The following SLBP variants were observed in gnomAD, a reference collection of about 807,000 sequenced individuals.
SLBP encodes the protein stem-loop histone mRNA binding protein, also known as histone RNA hairpin-binding protein.
A neutral mutation model predicts 39.2 loss-of-function variants in SLBP; 29 were observed. The observed-to-expected ratio is 0.74, with a 90% CI of 0.55 to 1.01. The LOEUF (loss-of-function observed/expected upper bound fraction) is 1.01, where lower values mean the gene tolerates loss of function less well. Ranked by LOEUF, SLBP falls within the 50% of genes least tolerant of loss-of-function variation. The probability of loss-of-function intolerance (pLI) is 0.00; values close to 1 mark genes in which losing one functional copy is unlikely to be tolerated. For missense variants in SLBP, 390 were observed against 350.2 expected, an observed-to-expected ratio of 1.11 and a Z score of -0.91; for synonymous variants, 129 against 118.7, an observed-to-expected ratio of 1.09 and a Z score of -0.57.
At chr4:1,699,778 C>G (rs1716256574) in intron 4 of SLBP, 77 bp from the exon 5 acceptor site, 2 of 1,367,960 alleles carry the variant, frequency 1.5e-6, no homozygotes, top group South Asian at 2.4e-5. Context: ...AAGAAAATGT[C>G]AAAACACAAT....
At chr4:1,711,092 T>C (rs2108667295) in intron 2 of SLBP, among the ~76,000 whole-genome samples, 1 of 151,134 alleles carries the variant, frequency 6.6e-6, no homozygotes, top group Admixed American at 6.6e-5. Context: ...CAAAGGTAGT[T>C]TCTTGCATGA....
chr4:1,699,995 T>A lies in SLBP; in HGVS notation c.341+16A>T. The A allele has an allele frequency of 6.4e-7, 1 of 1,550,580 alleles. No homozygotes were observed. The highest frequency in any genetic ancestry group is 8.7e-7 in the Non-Finnish European group (1 of 1,143,998). ...GGTCTATCAAATTAGAAAAGAAACA[T>A]TTACACAGCCTTTACCTTCCTGATG... On this transcript the variant is annotated intron_variant, in intron 4 of 7. Coordinates refer to ENST00000489418, the MANE Select transcript of SLBP (RefSeq NM_006527.4).
At chr4:1,709,612 T>A (rs1439267177) in intron 2 of SLBP, among the ~76,000 whole-genome samples, 4 of 143,456 alleles carry the variant, frequency 2.8e-5, no homozygotes, top group South Asian at 2.2e-4. Flanking sequence ...AACATCTACT[T>A]CTTTTTTTTT....
chr4:1,707,418 A>C (rs890100064), intron 2 of SLBP, among the ~76,000 whole-genome samples: 1 of 151,368 alleles, frequency 6.6e-6, no homozygotes, highest in Non-Finnish European at 1.5e-5. Context: ...AGGCAGGAGA[A>C]TCACTTGAAC....
intron 2 of SLBP, among the ~76,000 whole-genome samples, chr4:1,711,051 T>A (rs1278655652): frequency 8.2e-6 from 1 of 121,512 alleles, no homozygotes; most frequent in Non-Finnish European, 1.7e-5. Context: ...ACCCTGTCTT[T>A]AAAAAAAAAA....
At chr4:1,709,089 G>T (rs1275697196) in intron 2 of SLBP, among the ~76,000 whole-genome samples, 26 of 148,802 alleles carry the variant, frequency 1.7e-4, no homozygotes, top group Admixed American at 2.7e-4. Context: ...TTTTGAGACA[G>T]TTTCACTCTT....
intron 3 of SLBP, among the ~76,000 whole-genome samples, chr4:1,701,214 C>T (rs1239564834): frequency 1.4e-5 from 2 of 143,154 alleles, no homozygotes; most frequent in Non-Finnish European, 1.5e-5. Flanking sequence ...GGCGAGATCT[C>T]GGCTCAGTGC....
intron 2 of SLBP, among the ~76,000 whole-genome samples, chr4:1,707,382 T>A (rs1188684468): frequency 6.7e-6 from 1 of 149,946 alleles, no homozygotes; most frequent in Non-Finnish European, 1.5e-5. Flanking sequence ...GGTGGGTGCC[T>A]ATAATCCCAG....
chr4:1,709,717 T>C (rs1369282820), intron 2 of SLBP, among the ~76,000 whole-genome samples: 2 of 151,750 alleles, frequency 1.3e-5, no homozygotes, highest in Non-Finnish European at 2.9e-5. Context: ...GTTCACACCA[T>C]TCTCCTGCCT....
At chr4:1,710,829 C>A (rs1466139530) in intron 2 of SLBP, among the ~76,000 whole-genome samples, 1 of 151,752 alleles carries the variant, frequency 6.6e-6, no homozygotes, top group Non-Finnish European at 1.5e-5. Flanking sequence ...GTGGGTGGAT[C>A]ACTTGAGGTC....
chr4:1,695,292 T>TA (rs1290299464), intron 6 of SLBP, among the ~76,000 whole-genome samples: 3 of 152,190 alleles, frequency 2.0e-5, no homozygotes, highest in African/African-American at 7.2e-5. Context: ...TGCCAGTCTC[T>TA]AAAAAATTTC....
At chr4:1,698,222 T>A (rs915028847) in intron 5 of SLBP, among the ~76,000 whole-genome samples, 2 of 150,578 alleles carry the variant, frequency 1.3e-5, no homozygotes, top group Admixed American at 1.3e-4. Flanking sequence ...TAACCAAGTG[T>A]GGTGGCAGGC....
In SLBP at chr4:1,699,660, A is replaced by G; in HGVS notation, c.383T>C (p.Phe128Ser). The change falls in exon 5 of 8, where the codon TTT becomes TCT. Residue 128 changes from phenylalanine to serine, a missense_variant. Transcript: ENST00000489418. ...CATTAGGACACTTTCATCTGTCTCAAAGTCAGCCGGCACAGTAGACATAGA... is the reference window on the plus strand; with the variant it reads ...CATTAGGACACTTTCATCTGTCTCAGAGTCAGCCGGCACAGTAGACATAGA... ...KESMSTVPAD[F>S]ETDESVLMRR... 2 of 1,613,932 alleles carry G rather than the reference A, an allele frequency of 1.2e-6. No individual in the cohort carries two copies. The highest frequency in any genetic ancestry group is 2.2e-5 in the East Asian group (1 of 44,874).
chr4:1,709,395 T>C (rs1315425790), intron 2 of SLBP, among the ~76,000 whole-genome samples: 1 of 152,172 alleles, frequency 6.6e-6, no homozygotes, highest in Non-Finnish European at 1.5e-5. Context: ...GAGCGAGACC[T>C]GCTCTCTTAT....
chr4:1,710,411 T>C (rs1716705673), intron 2 of SLBP, among the ~76,000 whole-genome samples: 2 of 152,242 alleles, frequency 1.3e-5, no homozygotes, highest in African/African-American at 4.8e-5. Flanking sequence ...TGAGTCATTC[T>C]TGATGCCTCT....
In SLBP at chr4:1,712,294, T is replaced by C. The variant is rs1299829554; in HGVS notation, c.-106A>G. 7.5e-6 allele frequency: 5 copies of C among 668,720 alleles called. No homozygotes were observed. Among genetic ancestry groups the C allele is most frequent in the African/African-American group, 1.9e-5 (1 of 51,288 alleles). The allele number at this position is 668,720 out of a possible 1,614,324, so 41.4% of individuals were successfully genotyped here. On this transcript the variant is annotated 5_prime_UTR_variant, in exon 1 of 8. Coordinates refer to ENST00000489418, the MANE Select transcript of SLBP (RefSeq NM_006527.4). ...GCAGGGCCTGAGGCAGAAACCCGCG[T>C]CCCCGCGCCGGCGCTCACGAGCTCT...
intron 5 of SLBP, among the ~76,000 whole-genome samples, chr4:1,696,711 A>G (rs1042050804): frequency 2.0e-5 from 3 of 152,132 alleles, no homozygotes. Context: ...CAGCTTGGCC[A>G]ACATGGTGAA....
chr4:1,696,112 G>A (rs1305122140), intron 6 of SLBP, 90 bp downstream of exon 6: 3 of 1,158,816 alleles, frequency 2.6e-6, no homozygotes, highest in Non-Finnish European at 3.6e-6. Flanking sequence ...GGGGGACTTG[G>A]CACCAGACCT....
At chr4:1,694,954 C>T (rs922428334) in intron 6 of SLBP, 114 bp from the exon 7 acceptor site, 46 of 753,042 alleles carry the variant, frequency 6.1e-5, no homozygotes, top group Admixed American at 2.4e-4. Flanking sequence ...ACAGTGTGCC[C>T]GAGGCTCCCT....
Sources: gnomAD v4.1 joint callset for allele counts (sites outside exome capture counted in the v4.1 genomes callset) on GRCh38, gnomAD v4.1.1 for gene constraint, MANE v1.5 for transcripts, NCBI Gene and HGNC (gene_info 2026-07-23, HGNC 2026-07-21) for gene names.